The following CATSPERG variants were observed in gnomAD, a reference collection of about 807,000 sequenced individuals.
CATSPERG encodes the protein catsper channel auxiliary subunit gamma.
In CATSPERG, 115 loss-of-function variants were observed where a neutral mutation model predicts 145.0. The observed-to-expected ratio is 0.79, with a 90% confidence interval of 0.68 to 0.93. The LOEUF (loss-of-function observed/expected upper bound fraction) is 0.93. Ranked by LOEUF, CATSPERG falls within the 40% of genes least tolerant of loss-of-function variation. The pLI, the probability that CATSPERG is intolerant of heterozygous loss-of-function variation, is 0.00. For synonymous variants in CATSPERG, 588 were observed against 589.0 expected, an observed-to-expected ratio of 1.00 and a Z score of 0.02; for missense variants, 1,296 against 1,490.1, an observed-to-expected ratio of 0.87 and a Z score of 2.14.
Position 38,361,933 on chromosome 19 carries a change from G to T in CATSPERG, c.2094+72G>T, listed in dbSNP as rs1217656715. Reference sequence around the variant, plus strand: ...AGCCGGGAGCTGGCTTAGAGGGCGAGGCCTGTGGAGCGGAGCGCAGCGGGA... The same window carrying T: ...AGCCGGGAGCTGGCTTAGAGGGCGATGCCTGTGGAGCGGAGCGCAGCGGGA... On this transcript the variant is annotated intron_variant, in intron 17 of 28. Transcript: ENST00000409235. 3.8e-6 allele frequency: 5 copies of T among 1,302,344 alleles called. No homozygotes were observed. In the African/African-American group the frequency reaches 5.9e-5, roughly 15 times the overall value. The allele number at this position is 1,302,344 out of a possible 1,614,324, so 80.7% of individuals were successfully genotyped here. A position where few individuals can be genotyped will look rare whatever the true frequency, so the allele number is the denominator to read the frequency against.
rs2145067739 is a variant in CATSPERG at position 38,344,084 on chromosome 19, C to T, written c.561C>T (p.Ser187=). The T allele has an allele frequency of 3.2e-6, 5 of 1,551,602 alleles. No individual in the cohort carries two copies. Among genetic ancestry groups the T allele is most frequent in the Middle Eastern group, 3.3e-4 (2 of 5,982 alleles). ...GTGTGGTCATGCGTGTGGACATCAG[C>T]AGCAATGGCCTGGGGACCTTCATTC... ...KGSVVMRVDI[S]SNGLGTFIPD... is the part of the protein sequence containing the mutation. The change falls in exon 5 of 29, where the codon AGC becomes AGT. Residue 187 remains serine, a synonymous_variant. Transcript: ENST00000409235.
rs769450901 is a variant in CATSPERG at position 38,367,257 on chromosome 19, C to G, written c.2715C>G (p.His905Gln). The G allele has an allele frequency of 9.7e-5, 156 of 1,613,856 alleles. No individual in the cohort carries two copies. Among genetic ancestry groups the G allele is most frequent in the Non-Finnish European group, 1.2e-4 (145 of 1,180,034 alleles). ...AATACAGCCGCCTGAAGAACAAACACTACTTTGACTGCGTTAACGTGAACC... is the reference window on the plus strand; with the variant it reads ...AATACAGCCGCCTGAAGAACAAACAGTACTTTGACTGCGTTAACGTGAACC... ...TLEYSRLKNKHYFDCVNVNPE... is the reference protein window; with the variant it reads ...TLEYSRLKNKQYFDCVNVNPE... The change falls in exon 23 of 29, where the codon CAC becomes CAG. Residue 905 changes from histidine (H) to glutamine (Q), a missense_variant. Transcript: ENST00000409235.
rs3745954 is a variant in CATSPERG at position 38,361,813 on chromosome 19, C to T, written c.2046C>T (p.Tyr682=). ...ACAACGAGAACTCGCTCGCCATCTA[C>T]CAGGGCCTGGTCTACTACCTGCTGT... ...GFHNENSLAI[Y]QGLVYYLLWL... Residue 682 remains tyrosine (Y), a synonymous_variant, in exon 17 of 29, where the codon TAC becomes TAT. Transcript: ENST00000409235. The T allele has an allele frequency of 0.056, 90,281 of 1,612,172 alleles. 4,199 individuals carry two copies. The highest frequency in any genetic ancestry group is 0.25 in the East Asian group (11,074 of 44,758).
intron 3 of CATSPERG, among the ~76,000 whole-genome samples, chr19:38,340,319 C>CT (rs201971745): frequency 0.044 from 6,398 of 146,824 alleles, 235 homozygotes; most frequent in East Asian, 0.13. Context: ...ATCACAGAGT[C>CT]TTTTTTTTTT....
At position 38,362,290 on chromosome 19, in the gene CATSPERG, G is replaced by T; in HGVS notation, c.2157+18G>T. ...AAGACCAGGTAGGCGGAGCGGATTG[G>T]GAGCCGGGAAAGGGGCGGCGCCCGG... On this transcript the variant is annotated intron_variant, in intron 18 of 28. Coordinates refer to ENST00000409235, the MANE Select transcript of CATSPERG (RefSeq NM_021185.5). The T allele has an allele frequency of 6.2e-7, 1 of 1,613,630 alleles. No individual in the cohort carries two copies. The highest frequency in any genetic ancestry group is 1.1e-5 in the South Asian group (1 of 91,084).
At chr19:38,341,477 C>T (rs1171772845) in intron 3 of CATSPERG, among the ~76,000 whole-genome samples, 1 of 152,148 alleles carries the variant, frequency 6.6e-6, no homozygotes, top group Non-Finnish European at 1.5e-5. Flanking sequence ...TTGAAAAGAG[C>T]CTGGTGCTGG....
Position 38,367,583 on chromosome 19 carries a change from G to C in CATSPERG, c.2834+11G>C, listed in dbSNP as rs1389801416. Reference sequence around the variant, plus strand: ...CAGTTTCCAGGGCAGGTAAAGGCGTGGCCAGCTTGCAGCTAGGGCAGGTGG... The same window carrying C: ...CAGTTTCCAGGGCAGGTAAAGGCGTCGCCAGCTTGCAGCTAGGGCAGGTGG... On this transcript the variant is annotated intron_variant, in intron 24 of 28. Coordinates refer to ENST00000409235, the MANE Select transcript of CATSPERG (RefSeq NM_021185.5). 6.2e-7 allele frequency: 1 copy of C among 1,613,914 alleles called. No individual in the cohort carries two copies.
intron 11 of CATSPERG, 131 bp from the exon 12 acceptor site, chr19:38,358,147 G>A (rs1019563730): frequency 2.9e-5 from 23 of 803,984 alleles, no homozygotes; most frequent in Admixed American, 1.0e-4. Flanking sequence ...AAACTCTAAG[G>A]ACTAGCAAAC....
chr19:38,338,916 G>A (rs575530993), intron 3 of CATSPERG, among the ~76,000 whole-genome samples: 4 of 152,178 alleles, frequency 2.6e-5, no homozygotes, highest in African/African-American at 9.6e-5. Flanking sequence ...GTCTCACTCT[G>A]TTGTTGGGGT....
At position 38,352,288 on chromosome 19, in the gene CATSPERG, T is replaced by G. The variant is rs759710702; in HGVS notation, c.853T>G (p.Ser285Ala). 3 of 1,551,576 alleles carry G rather than the reference T, an allele frequency of 1.9e-6. No individual in the cohort carries two copies. In the South Asian group the frequency reaches 3.6e-5, roughly 18 times the overall value. ...GAGCATTGACAGTTGCTGGGTGGGC[T>G]CCTTCTACTGCCCCCATTCTGGCTT... ...ELSIDSCWVGSFYCPHSGFTA... is the reference protein window; with the variant it reads ...ELSIDSCWVGAFYCPHSGFTA... Residue 285 changes from serine (S) to alanine (A), a missense_variant, in exon 8 of 29, where the codon TCC (serine) becomes GCC (alanine). By Grantham distance (99) the Ser-to-Ala change is moderately conservative. Transcript: ENST00000409235.
intron 20 of CATSPERG, 39 bp downstream of exon 20, chr19:38,362,871 G>T (rs879071688): frequency 7.4e-3 from 3,346 of 451,622 alleles, no homozygotes; most frequent in Admixed American, 0.017. Flanking sequence ...GGGAGGTTTT[G>T]TTTTTTTTTT....
chr19:38,335,842 G>T lies in CATSPERG; in HGVS notation c.-48G>T, dbSNP rs1174183304. 4.8e-6 allele frequency: 1 copy of T among 210,072 alleles called. No homozygotes were observed. The highest frequency in any genetic ancestry group is 1.0e-5 in the Non-Finnish European group (1 of 99,736). 13.0% of individuals were successfully genotyped at this position (210,072 alleles called of 1,614,324 possible). On this transcript the variant is annotated 5_prime_UTR_variant, in exon 1 of 29. Transcript: ENST00000409235. The stretch of plus-strand genomic sequence containing the variant: ...CAAGAGGGGCGGGACTGGTGCGGCC[G>T]AGTGACAGTTGACCGGTTTTAACCA...
Position 38,360,775 on chromosome 19 carries a change from G to T in CATSPERG, c.1812G>T (p.Arg604Ser), listed in dbSNP as rs773994271. The T allele has an allele frequency of 1.4e-5, 22 of 1,613,422 alleles. No individual in the cohort carries two copies. The highest frequency in any genetic ancestry group is 1.1e-5 in the South Asian group (1 of 91,008). Reference protein sequence around the residue: ...MNNQKGQLVKRLVPVEQLLMY... With the variant: ...MNNQKGQLVKSLVPVEQLLMY... ...ACCAGAAGGGCCAGCTGGTCAAGAGGCTCGTGCCCGTGGAGCAGCTTCTGA... is the reference window on the plus strand; with the variant it reads ...ACCAGAAGGGCCAGCTGGTCAAGAGTCTCGTGCCCGTGGAGCAGCTTCTGA... The change falls in exon 16 of 29, where the codon AGG becomes AGT. Residue 604 changes from arginine to serine, a missense_variant. Transcript: ENST00000409235.
chr19:38,370,421 G>C, intron 28 of CATSPERG, 105 bp from the exon 29 acceptor site: 1 of 1,502,304 alleles, frequency 6.7e-7, no homozygotes. Context: ...ATTTCCTCCT[G>C]CTGTCATGCC....
At position 38,370,807 on chromosome 19, in the gene CATSPERG, C is replaced by T; in HGVS notation, c.*15C>T. ...TGATGACCTGAGTGTCCCACCTGCC[C>T]CAGCCCCCAGTTACTGTCACGCCTC... On this transcript the variant is annotated 3_prime_UTR_variant, in exon 29 of 29. Coordinates refer to ENST00000409235, the MANE Select transcript of CATSPERG (RefSeq NM_021185.5). 6.2e-7 allele frequency: 1 copy of T among 1,609,334 alleles called. No homozygotes were observed. The highest frequency in any genetic ancestry group is 8.5e-7 in the Non-Finnish European group (1 of 1,176,390).
chr19:38,360,500 C>T lies in CATSPERG; in HGVS notation c.1620C>T (p.Leu540=), dbSNP rs1442540755. 6.2e-7 allele frequency: 1 copy of T among 1,614,072 alleles called. No homozygotes were observed. The highest frequency in any genetic ancestry group is 8.5e-7 in the Non-Finnish European group (1 of 1,180,010). The change falls in exon 15 of 29, where the codon CTC becomes CTT. Residue 540 remains leucine (L), a synonymous_variant. Coordinates refer to ENST00000409235, the MANE Select transcript of CATSPERG (RefSeq NM_021185.5). ...IVTETEEIWY[L]LEGSYRVYQL... ...TGTCATACCCGCAGATCTGGTACCT[C>T]CTGGAGGGCAGCTACCGGGTCTACC...
In CATSPERG at chr19:38,370,242, C is replaced by A. The variant is rs1279324985; in HGVS notation, c.3197C>A (p.Ala1066Asp). The A allele has an allele frequency of 6.2e-7, 1 of 1,613,376 alleles. No homozygotes were observed. The highest frequency in any genetic ancestry group is 8.5e-7 in the Non-Finnish European group (1 of 1,180,010). The change falls in exon 28 of 29, where the codon GCC becomes GAC. Residue 1066 changes from alanine to aspartate, a missense_variant. Transcript: ENST00000409235. ...GGGCTGCCACTCAGTCCCAAGCGGG[C>A]CCTTTTCATCATCATGGTGAGTGGC... ...IHGLPLSPKR[A>D]LFIIMVSASV...
Position 38,361,597 on chromosome 19 carries a change from G to T in CATSPERG, c.1881-51G>T, listed in dbSNP as rs369595439. 6.0e-5 allele frequency: 88 copies of T among 1,467,172 alleles called. No homozygotes were observed. The African/African-American group carries it at 1.1e-3, about 18-fold the overall frequency. 90.9% of individuals were successfully genotyped at this position (1,467,172 alleles called of 1,614,324 possible). A position where few individuals can be genotyped will look rare whatever the true frequency, so the allele number is the denominator to read the frequency against. ...GGAAAGAGGCCTGCGGAAGCTTCCA[G>T]TGCGCGGGGTGCCTTAGAGCCAGCA... On this transcript the variant is annotated intron_variant, in intron 16 of 28. Transcript: ENST00000409235.
Position 38,361,691 on chromosome 19 carries a change from G to T in CATSPERG, c.1924G>T (p.Val642Leu). Residue 642 changes from valine to leucine, a missense_variant, in exon 17 of 29, where the codon GTG becomes TTG. Val to Leu is a conservative substitution (Grantham distance 32). Transcript: ENST00000409235. Reference protein sequence around the residue: ...LSFIDFCPFSVMRLRSLPSPQ... With the variant: ...LSFIDFCPFSLMRLRSLPSPQ... The stretch of plus-strand genomic sequence containing the variant: ...CTTCATCGACTTCTGCCCCTTCTCG[G>T]TGATGCGCCTGCGGAGCCTGCCCAG... 6.2e-7 allele frequency: 1 copy of T among 1,612,312 alleles called. No homozygotes were observed.
Sources: gnomAD v4.1 joint callset for allele counts (sites outside exome capture counted in the v4.1 genomes callset) on GRCh38, gnomAD v4.1.1 for gene constraint, MANE v1.5 for transcripts, NCBI Gene and HGNC (gene_info 2026-07-23, HGNC 2026-07-21) for gene names.